Variants in B4GALT6 observed in about 807,000 individuals in gnomAD.
The protein encoded by B4GALT6 is beta-1,4-galactosyltransferase 6.
A neutral mutation model predicts 46.3 loss-of-function variants in B4GALT6; 14 were observed. The observed-to-expected ratio is 0.30, with a 90% CI of 0.20 to 0.47. The LOEUF is 0.47. Ranked by LOEUF, B4GALT6 falls within the 20% of genes least tolerant of loss-of-function variation. The pLI is 0.99. For synonymous variants in B4GALT6, 168 were observed against 162.0 expected, an observed-to-expected ratio of 1.04 and a Z score of -0.28; for missense variants, 386 against 480.1, an observed-to-expected ratio of 0.80 and a Z score of 1.83.
intron 3 of B4GALT6, among the ~76,000 whole-genome samples, chr18:31,651,331 C>T (rs2074064288): frequency 6.6e-6 from 1 of 152,044 alleles, no homozygotes; most frequent in Admixed American, 6.5e-5. Context: ...TAACATATTG[C>T]CTCAAGCATA....
chr18:31,724,451 C>A, the B4GALT6 span: 2 of 1,030,898 alleles, frequency 1.9e-6, no homozygotes, highest in Non-Finnish European at 2.3e-6. Context: ...CCGCCATGAG[C>A]TAACTCCCCA....
intron 2 of B4GALT6, among the ~76,000 whole-genome samples, chr18:31,662,128 C>T (rs2074224640): frequency 6.6e-6 from 1 of 152,222 alleles, no homozygotes; most frequent in Non-Finnish European, 1.5e-5. Flanking sequence ...GACTGAATCA[C>T]AAGAGTAAAC....
the B4GALT6 span, among the ~76,000 whole-genome samples, chr18:31,695,833 G>A: frequency 6.6e-6 from 1 of 152,182 alleles, no homozygotes; most frequent in Non-Finnish European, 1.5e-5. Flanking sequence ...TAATCCAGCT[G>A]CTCCTCAGGT....
the B4GALT6 span, among the ~76,000 whole-genome samples, chr18:31,716,897 A>G: frequency 1.3e-5 from 2 of 152,062 alleles, no homozygotes; most frequent in South Asian, 2.1e-4. Flanking sequence ...GTCAGGAGTT[A>G]GAGACCAGCC....
the B4GALT6 span, chr18:31,724,295 C>A: frequency 4.4e-6 from 2 of 454,334 alleles, no homozygotes; most frequent in Non-Finnish European, 7.2e-6. Flanking sequence ...CCCCACGGGC[C>A]CCTCCTCACA....
At chr18:31,632,196 A>G (rs1175748405) in intron 5 of B4GALT6, among the ~76,000 whole-genome samples, 1 of 152,222 alleles carries the variant, frequency 6.6e-6, no homozygotes, top group African/African-American at 2.4e-5. Context: ...CACTGCCTCA[A>G]GAGTGAAAAA....
At position 31,625,448 on chromosome 18, in the gene B4GALT6, A is replaced by T. The variant is rs1032910743; in HGVS notation, c.*166T>A. On this transcript the variant is annotated 3_prime_UTR_variant, in exon 9 of 9. Coordinates refer to ENST00000306851, the MANE Select transcript of B4GALT6 (RefSeq NM_004775.5). ...TGTCTCAGAGCAGGGAGGACGGGTGAGAGAAGGGTGACTGTATATAGTCCC... is the reference window on the plus strand; with the variant it reads ...TGTCTCAGAGCAGGGAGGACGGGTGTGAGAAGGGTGACTGTATATAGTCCC... 37 of 644,296 alleles carry T rather than the reference A, an allele frequency of 5.7e-5. No individual in the cohort carries two copies. The highest frequency in any genetic ancestry group is 7.5e-5 in the Non-Finnish European group (30 of 399,518). 39.9% of individuals were successfully genotyped at this position (644,296 alleles called of 1,614,324 possible). A position where few individuals can be genotyped will look rare whatever the true frequency, so the allele number is the denominator to read the frequency against.
chr18:31,709,313 C>T, the B4GALT6 span, among the ~76,000 whole-genome samples: 1 of 151,674 alleles, frequency 6.6e-6, no homozygotes, highest in Non-Finnish European at 1.5e-5. Flanking sequence ...AATCCTTCCT[C>T]TTCAGCCTCC....
chr18:31,675,640 C>T (rs1426011097), intron 1 of B4GALT6, among the ~76,000 whole-genome samples: 1 of 152,008 alleles, frequency 6.6e-6, no homozygotes, highest in Non-Finnish European at 1.5e-5. Flanking sequence ...ATGAACCACA[C>T]TGGGGAAAGT....
intron 5 of B4GALT6, 40 bp from the exon 6 acceptor site, chr18:31,631,186 TC>T: frequency 9.0e-7 from 1 of 1,109,570 alleles, no homozygotes; most frequent in Non-Finnish European, 1.3e-6. Flanking sequence ...AGAAATGTAC[TC>T]ACACTTCATC....
At chr18:31,672,042 A>G (rs1298346469) in intron 1 of B4GALT6, among the ~76,000 whole-genome samples, 1 of 152,234 alleles carries the variant, frequency 6.6e-6, no homozygotes, top group African/African-American at 2.4e-5. Flanking sequence ...CATCTGCTAT[A>G]AAACTGTGCC....
intron 3 of B4GALT6, among the ~76,000 whole-genome samples, chr18:31,647,576 T>A (rs2074006605): frequency 6.6e-6 from 1 of 152,158 alleles, no homozygotes; most frequent in Non-Finnish European, 1.5e-5. Context: ...GGCTAAAGAT[T>A]GACCTGGTGG....
At chr18:31,706,953 C>T in the B4GALT6 span, among the ~76,000 whole-genome samples, 6 of 152,204 alleles carry the variant, frequency 3.9e-5, no homozygotes, top group Admixed American at 1.3e-4. Flanking sequence ...CTATAAATAC[C>T]TATCTTGAAT....
intron 3 of B4GALT6, among the ~76,000 whole-genome samples, chr18:31,653,435 C>CTTTTTTTTT (rs5823819): frequency 5.3e-4 from 39 of 74,140 alleles, no homozygotes; most frequent in African/African-American, 7.1e-4. Context: ...AACCTTTTTT[C>CTTTTTTTTT]TTTTTTTTTT....
In B4GALT6 at chr18:31,664,259, C is replaced by T. The variant is rs571594124; in HGVS notation, c.232+1997G>A. 3.9e-5 allele frequency among the ~76,000 whole-genome samples: 6 copies of T among 152,282 alleles called. No homozygotes were observed. The East Asian group carries it at 1.2e-3, about 29-fold the overall frequency. On this transcript the variant is annotated intron_variant, in intron 2 of 8. Coordinates refer to ENST00000306851, the MANE Select transcript of B4GALT6 (RefSeq NM_004775.5). ...GACTTACTTTAAGGAGCCTCCATAA[C>T]AGCCACAGATATCCAACTTGCAGAG...
chr18:31,709,576 TG>T, the B4GALT6 span, among the ~76,000 whole-genome samples: 1 of 145,612 alleles, frequency 6.9e-6, no homozygotes, highest in Non-Finnish European at 1.5e-5. Context: ...TGTGTGTGTG[TG>T]TGTGTGTGTG....
intron 4 of B4GALT6, among the ~76,000 whole-genome samples, chr18:31,639,409 T>C (rs2073902561): frequency 6.6e-6 from 1 of 152,148 alleles, no homozygotes; most frequent in Non-Finnish European, 1.5e-5. Flanking sequence ...AGAGATATTT[T>C]CAGAAATATA....
chr18:31,658,396 G>T, intron 2 of B4GALT6: 1 of 217,238 alleles, frequency 4.6e-6, no homozygotes, highest in Non-Finnish European at 9.3e-6. Context: ...CCGATCTACA[G>T]GGAGTGTGAA....
At chr18:31,633,339 TG>T (rs1210496240) in intron 5 of B4GALT6, among the ~76,000 whole-genome samples, 2 of 151,906 alleles carry the variant, frequency 1.3e-5, no homozygotes, top group African/African-American at 4.8e-5. Context: ...CAGAAGGCAG[TG>T]GGGGGTTTTA....
Sources: gnomAD v4.1 joint callset for allele counts (sites outside exome capture counted in the v4.1 genomes callset) on GRCh38, gnomAD v4.1.1 for gene constraint, MANE v1.5 for transcripts, NCBI Gene and HGNC (gene_info 2026-07-23, HGNC 2026-07-21) for gene names.